KHDC1: variants seen among roughly 807,000 people sequenced by gnomAD.
KHDC1 encodes the protein KH homology domain-containing protein 1.
A neutral mutation model predicts 24.7 loss-of-function variants in KHDC1; 21 were observed. That is an observed-to-expected ratio of 0.85 (90% CI 0.60 to 1.23). The LOEUF is 1.23. Among genes scored for constraint, KHDC1 ranks in the 50% most tolerant of loss-of-function variants. The pLI, the probability that KHDC1 is intolerant of heterozygous loss-of-function variation, is 0.00. For synonymous variants in KHDC1, 98 were observed against 111.7 expected (o/e 0.88, Z 0.77); for missense variants, 274 against 298.5 (o/e 0.92, Z 0.61).
intron 2 of KHDC1, among the ~76,000 whole-genome samples, chr6:73,283,614 T>C (rs185960230): frequency 2.2e-4 from 34 of 151,618 alleles, no homozygotes; most frequent in Admixed American, 1.2e-3. Context: ...TTTTTGGAGT[T>C]GAAGCTTTAC....
intron 2 of KHDC1, among the ~76,000 whole-genome samples, chr6:73,246,718 T>A (rs1005070716): frequency 3.3e-5 from 5 of 152,124 alleles, no homozygotes; most frequent in African/African-American, 7.2e-5. Flanking sequence ...CCTAAAAAAA[T>A]TTTTTTTCTT....
chr6:73,241,958 G>T, intron 4 of KHDC1, 97 bp downstream of exon 3: 1 of 1,345,390 alleles, frequency 7.4e-7, no homozygotes, highest in Non-Finnish European at 1.0e-6. Context: ...GGATTCCCCA[G>T]CCACACAAGG....
chr6:73,267,427 G>C (rs368369129), intron 2 of KHDC1, among the ~76,000 whole-genome samples: 2 of 152,138 alleles, frequency 1.3e-5, no homozygotes, highest in South Asian at 4.1e-4. Context: ...AGGTTGGAGT[G>C]AGCTGAGATC....
At chr6:73,287,546 G>C (rs1869559) in intron 2 of KHDC1, among the ~76,000 whole-genome samples, 35,760 of 152,070 alleles carry the variant, frequency 0.24, 4,896 homozygotes, top group African/African-American at 0.37. Flanking sequence ...ATCTGAAACT[G>C]AATGACTGAA....
intron 2 of KHDC1, chr6:73,269,770 G>A (rs1767147944): frequency 6.6e-6 from 1 of 151,942 alleles, no homozygotes; most frequent in African/African-American, 2.4e-5. Flanking sequence ...ACTGTTTGTT[G>A]TTGTTGTTGT....
At chr6:73,270,061 C>T (rs1047825551) in intron 2 of KHDC1, 3 of 152,198 alleles carry the variant, frequency 2.0e-5, no homozygotes, top group South Asian at 2.1e-4. Context: ...CAGGTGTGAC[C>T]TATTGCACCT....
intron 1 of KHDC1, among the ~76,000 whole-genome samples, chr6:73,305,191 T>C (rs1406277831): frequency 6.6e-6 from 1 of 151,948 alleles, no homozygotes; most frequent in Non-Finnish European, 1.5e-5. Context: ...TGAGCCAAGA[T>C]TGCGCTACTG....
At position 73,263,152 on chromosome 6, in the gene KHDC1, T is replaced by A. The variant is rs1164512726; in HGVS notation, c.207-20622A>T. The A allele has an allele frequency of 6.1e-6, 6 of 987,392 alleles. No individual in the cohort carries two copies. In the African/African-American group the frequency reaches 8.8e-5, roughly 14 times the overall value. The allele number at this position is 987,392 out of a possible 1,614,324, so 61.2% of individuals were successfully genotyped here. A position where few individuals can be genotyped will look rare whatever the true frequency, so the allele number is the denominator to read the frequency against. On this transcript the variant is annotated intron_variant, in intron 2 of 4. Transcript: ENST00000370384. ...GCCGCGCACCCGACCCTTCCAGGGG[T>A]CCCGGCTCGCGCCGCGGCCGCGCGA...
At chr6:73,262,917 C>T in intron 2 of KHDC1, 1 of 987,392 alleles carries the variant, frequency 1.0e-6, no homozygotes, top group Non-Finnish European at 1.2e-6. Flanking sequence ...GCTTCTCTGT[C>T]CCTTCACCGG....
chr6:73,255,904 C>CAAAAAAAAA (rs1205326198), intron 2 of KHDC1, among the ~76,000 whole-genome samples: 1 of 49,402 alleles, frequency 2.0e-5, no homozygotes, highest in Non-Finnish European at 4.4e-5. Context: ...CCTGTCTCAA[C>CAAAAAAAAA]AAAAAAAAAA....
intron 2 of KHDC1, among the ~76,000 whole-genome samples, chr6:73,271,104 A>G (rs1767170861): frequency 6.6e-6 from 1 of 152,224 alleles, no homozygotes; most frequent in Non-Finnish European, 1.5e-5. Context: ...AAATTAGCTT[A>G]GTCGGTCACA....
chr6:73,274,783 T>TAC (rs1767249182), intron 2 of KHDC1: 1 of 152,210 alleles, frequency 6.6e-6, no homozygotes, highest in Non-Finnish European at 1.5e-5. Flanking sequence ...TTGATAATTT[T>TAC]ATAACATTTA....
At chr6:73,300,159 A>G (rs1344614571) in intron 1 of KHDC1, 8 of 152,536 alleles carry the variant, frequency 5.2e-5, no homozygotes, top group Middle Eastern at 3.4e-3. Flanking sequence ...CACACCTGCT[A>G]CATGGAAGGT....
At chr6:73,259,907 C>T (rs1044856773) in intron 2 of KHDC1, among the ~76,000 whole-genome samples, 46 of 152,164 alleles carry the variant, frequency 3.0e-4, no homozygotes, top group African/African-American at 1.1e-3. Flanking sequence ...TCTTTTTAAC[C>T]AATTATCTGG....
At chr6:73,280,306 C>T (rs1165500857) in intron 2 of KHDC1, among the ~76,000 whole-genome samples, 12 of 152,100 alleles carry the variant, frequency 7.9e-5, no homozygotes, top group Admixed American at 2.0e-4. Flanking sequence ...CACAGGCATG[C>T]ACCACCATGC....
At chr6:73,255,609 G>A (rs1390422002) in intron 2 of KHDC1, among the ~76,000 whole-genome samples, 1 of 147,510 alleles carries the variant, frequency 6.8e-6, no homozygotes, top group Admixed American at 6.8e-5. Flanking sequence ...TCATTAGAAA[G>A]TGACAGGTCA....
At chr6:73,251,307 G>T (rs923867535) in intron 2 of KHDC1, among the ~76,000 whole-genome samples, 2 of 152,062 alleles carry the variant, frequency 1.3e-5, no homozygotes, top group African/African-American at 4.8e-5. Context: ...TATCTCACTG[G>T]ACAGAAATCC....
chr6:73,283,676 T>C (rs1767459580), intron 2 of KHDC1, among the ~76,000 whole-genome samples: 1 of 150,608 alleles, frequency 6.6e-6, no homozygotes, highest in African/African-American at 2.5e-5. Flanking sequence ...AGTCTCTCTC[T>C]GTCGCCCAGG....
chr6:73,243,523 C>G (rs981070340), intron 2 of KHDC1, among the ~76,000 whole-genome samples: 1 of 152,216 alleles, frequency 6.6e-6, no homozygotes, highest in African/African-American at 2.4e-5. Context: ...AAAATACACA[C>G]AGTGAATATA....
Sources: gnomAD v4.1 joint callset for allele counts (sites outside exome capture counted in the v4.1 genomes callset) on GRCh38, gnomAD v4.1.1 for gene constraint, MANE v1.5 for transcripts, NCBI Gene and HGNC (gene_info 2026-07-23, HGNC 2026-07-21) for gene names.